The following ADORA1 variants were observed in gnomAD, a reference collection of about 807,000 sequenced individuals.
ADORA1 encodes adenosine A1 receptor, also known as adenosine receptor A1.
A neutral mutation model predicts 19.9 loss-of-function variants in ADORA1; 6 were observed. That is an observed-to-expected ratio of 0.30 (90% CI 0.17 to 0.59). ADORA1 has a LOEUF of 0.59. ADORA1 is among the 20% of genes least tolerant of loss of function. The pLI is 0.87. For missense variants in ADORA1, 302 were observed against 439.2 expected (o/e 0.69, Z 2.79); for synonymous variants, 194 against 188.4 (o/e 1.03, Z -0.24).
Position 203,137,837 on chromosome 1 carries a change from A to C in ADORA1, c.341+8655A>C, listed in dbSNP as rs138423506. On this transcript the variant is annotated intron_variant, in intron 3 of 3. Coordinates refer to ENST00000337894, the MANE Select transcript of ADORA1 (RefSeq NM_000674.3). ...CAGTACCCTCCAAAAGGCAACCTCT[A>C]TTTTGATCTTTATCCTTATAGATTG... 2.2e-3 allele frequency among the ~76,000 whole-genome samples: 341 copies of C among 152,252 alleles called. 1 individual carries two copies. The highest frequency in any genetic ancestry group is 7.9e-3 in the African/African-American group (330 of 41,542).
At chr1:203,153,372 C>G (rs1394665908) in intron 3 of ADORA1, among the ~76,000 whole-genome samples, 2 of 152,126 alleles carry the variant, frequency 1.3e-5, no homozygotes, top group African/African-American at 4.8e-5. Flanking sequence ...GGGGAGGTTG[C>G]CAGAATAGAG....
intron 3 of ADORA1, among the ~76,000 whole-genome samples, chr1:203,152,216 C>T (rs1558134490): frequency 6.6e-6 from 1 of 152,232 alleles, no homozygotes; most frequent in African/African-American, 2.4e-5. Flanking sequence ...GGGGGTCTCC[C>T]ATTTCCCACC....
At chr1:203,160,594 C>T (rs1046590945) in intron 3 of ADORA1, among the ~76,000 whole-genome samples, 2 of 152,204 alleles carry the variant, frequency 1.3e-5, no homozygotes, top group African/African-American at 2.4e-5. Flanking sequence ...AGGAGGATCA[C>T]TTGAGCCCTG....
At chr1:203,132,401 C>T (rs976698352) in intron 3 of ADORA1, among the ~76,000 whole-genome samples, 1 of 152,194 alleles carries the variant, frequency 6.6e-6, no homozygotes. Flanking sequence ...TGTCCATGGC[C>T]AGCTGGGTTG....
chr1:203,150,540 C>T (rs1654998119), intron 3 of ADORA1: 1 of 1,198,270 alleles, frequency 8.3e-7, no homozygotes, highest in Non-Finnish European at 1.1e-6. Context: ...TGGGGTCCTT[C>T]CTGCTGTTAT....
chr1:203,129,057 G>T lies in ADORA1; in HGVS notation c.216G>T (p.Gly72=). The change falls in exon 3 of 4, where the codon GGG becomes GGT. Residue 72 remains glycine (G), a synonymous_variant. Coordinates refer to ENST00000337894, the MANE Select transcript of ADORA1 (RefSeq NM_000674.3). ...CCCTCGCCATCCTCATCAACATTGG[G>T]CCACAGACCTACTTCCACACCTGCC... is the stretch of plus-strand genomic sequence containing the variant. ...VIPLAILINI[G]PQTYFHTCLM... The T allele has an allele frequency of 1.2e-6, 2 of 1,614,108 alleles. No individual in the cohort carries two copies. The highest frequency in any genetic ancestry group is 1.7e-6 in the Non-Finnish European group (2 of 1,180,012).
At chr1:203,136,472 A>G (rs1654511371) in intron 3 of ADORA1, among the ~76,000 whole-genome samples, 1 of 152,208 alleles carries the variant, frequency 6.6e-6, no homozygotes, top group Non-Finnish European at 1.5e-5. Flanking sequence ...TCTATTTTAT[A>G]AGTGTGCTTT....
rs970460008 is a variant in ADORA1, at chr1:203,167,306, A to G, written c.*1406A>G. Reference sequence around the variant, plus strand: ...GTTGACCTTCTGAACATGAGTGTCAACTCCAGGACTTGCTTCCAAGCCCTT... The same window carrying G: ...GTTGACCTTCTGAACATGAGTGTCAGCTCCAGGACTTGCTTCCAAGCCCTT... On this transcript the variant is annotated 3_prime_UTR_variant, in exon 4 of 4. Coordinates refer to ENST00000337894, the MANE Select transcript of ADORA1 (RefSeq NM_000674.3). The G allele has an allele frequency of 4.0e-5, 6 of 151,550 alleles. No homozygotes were observed. The highest frequency in any genetic ancestry group is 1.5e-4 in the African/African-American group (6 of 41,156). The allele number at this position is 151,550 out of a possible 1,614,324, so 9.4% of individuals were successfully genotyped here. A position where few individuals can be genotyped will look rare whatever the true frequency, so the allele number is the denominator to read the frequency against.
chr1:203,165,660 G>A lies in ADORA1; in HGVS notation c.741G>A (p.Trp247Ter). 6.2e-7 allele frequency: 1 copy of A among 1,608,842 alleles called. No homozygotes were observed. Among genetic ancestry groups the A allele is most frequent in the Non-Finnish European group, 8.5e-7 (1 of 1,176,228 alleles). Residue 247 changes from tryptophan (W) to a stop codon, truncating the protein, a stop_gained, in exon 4 of 4, where the codon TGG (tryptophan) becomes TGA (stop). Coordinates refer to ENST00000337894, the MANE Select transcript of ADORA1 (RefSeq NM_000674.3). LOFTEE classifies it high-confidence loss of function. This position sits in a 1 kb window ranked among gnomAD's most constrained non-coding sequence, Gnocchi z 5.9. Reference sequence around the variant, plus strand: ...TCCTCTTCCTCTTTGCCCTCAGCTGGCTGCCTTTGCACATCCTCAACTGCA... The same window carrying A: ...TCCTCTTCCTCTTTGCCCTCAGCTGACTGCCTTTGCACATCCTCAACTGCA... ...ALILFLFALS[W>*]LPLHILNCIT...
In ADORA1 at chr1:203,166,523, C is replaced by T. The variant is rs907385238; in HGVS notation, c.*623C>T. 2.6e-5 allele frequency: 4 copies of T among 152,284 alleles called. No individual in the cohort carries two copies. Among genetic ancestry groups the T allele is most frequent in the African/African-American group, 9.7e-5 (4 of 41,400 alleles). The allele number at this position is 152,284 out of a possible 1,614,324, so 9.4% of individuals were successfully genotyped here. ...GTGCTAGGGTGCCTGCTCTCCTTGC[C>T]CTGGGCCAGCCCAGGATTGTACGTG... On this transcript the variant is annotated 3_prime_UTR_variant, in exon 4 of 4. Coordinates refer to ENST00000337894, the MANE Select transcript of ADORA1 (RefSeq NM_000674.3).
rs1356861314 is a variant in ADORA1, at chr1:203,165,762, G to A, written c.843G>A (p.Ser281=). 1.2e-6 allele frequency: 2 copies of A among 1,613,770 alleles called. No homozygotes were observed. Among genetic ancestry groups the A allele is most frequent in the Non-Finnish European group, 8.5e-7 (1 of 1,179,852 alleles). The change falls in exon 4 of 4, where the codon TCG becomes TCA. Residue 281 remains serine (S), a synonymous_variant. Transcript: ENST00000337894. This position sits in a 1 kb window ranked among gnomAD's most constrained non-coding sequence, Gnocchi z 5.9. Reference sequence around the variant, plus strand: ...CCATCTTCCTCACGCACGGCAACTCGGCCATGAACCCCATTGTCTATGCCT... The same window carrying A: ...CCATCTTCCTCACGCACGGCAACTCAGCCATGAACCCCATTGTCTATGCCT... ...YIAIFLTHGN[S]AMNPIVYAFR...
At chr1:203,149,081 T>C (rs1654951252) in intron 3 of ADORA1, among the ~76,000 whole-genome samples, 1 of 152,102 alleles carries the variant, frequency 6.6e-6, no homozygotes, top group South Asian at 2.1e-4. Context: ...TTTCACCATG[T>C]TACCCAGGCT....
At chr1:203,147,237 T>C (rs965487454) in intron 3 of ADORA1, among the ~76,000 whole-genome samples, 1 of 151,922 alleles carries the variant, frequency 6.6e-6, no homozygotes, top group Non-Finnish European at 1.5e-5. Flanking sequence ...CTGCCAGGGG[T>C]GTTGTGATGG....
At chr1:203,159,506 G>T (rs959048469) in intron 3 of ADORA1, among the ~76,000 whole-genome samples, 1 of 152,250 alleles carries the variant, frequency 6.6e-6, no homozygotes, top group Non-Finnish European at 1.5e-5. Context: ...CTCTGTCCCA[G>T]ATCTTTCCCT....
intron 3 of ADORA1, among the ~76,000 whole-genome samples, chr1:203,144,182 C>T (rs1654790193): frequency 6.6e-6 from 1 of 151,962 alleles, no homozygotes; most frequent in East Asian, 1.9e-4. Flanking sequence ...CAGATGACAC[C>T]TCCCCCAGGA....
In ADORA1 at chr1:203,161,974, G is replaced by A. The variant is rs906511513; in HGVS notation, c.342-3287G>A. ...TCTGTTCTGTTGCTCTCCCATTTGT[G>A]CCTGCCTGAGCTGCACACTCCTGAG... On this transcript the variant is annotated intron_variant, in intron 3 of 3. Coordinates refer to ENST00000337894, the MANE Select transcript of ADORA1 (RefSeq NM_000674.3). Among the ~76,000 whole-genome samples the A allele has an allele frequency of 5.9e-5, 9 of 152,300 alleles. 1 individual carries two copies. The South Asian group carries it at 1.9e-3, about 32-fold the overall frequency.
intron 3 of ADORA1, among the ~76,000 whole-genome samples, chr1:203,148,554 G>T (rs1045727222): frequency 6.6e-6 from 1 of 152,162 alleles, no homozygotes; most frequent in African/African-American, 2.4e-5. Flanking sequence ...ACAGTGTTTT[G>T]TCACCCTGAG....
At chr1:203,131,990 A>G (rs1027247779) in intron 3 of ADORA1, among the ~76,000 whole-genome samples, 1 of 152,218 alleles carries the variant, frequency 6.6e-6, no homozygotes, top group Admixed American at 6.5e-5. Flanking sequence ...TCTGCTGGCT[A>G]TCACCAAGTG....
intron 3 of ADORA1, among the ~76,000 whole-genome samples, chr1:203,135,351 C>T (rs1378333219): frequency 6.6e-6 from 1 of 152,084 alleles, no homozygotes; most frequent in African/African-American, 2.4e-5. Context: ...CACATGTACC[C>T]CTTAATCTAT....
Sources: gnomAD v4.1 joint callset for allele counts (sites outside exome capture counted in the v4.1 genomes callset) on GRCh38, gnomAD v4.1.1 for gene constraint, Gnocchi (gnomAD v3.1) non-coding constraint, MANE v1.5 for transcripts, NCBI Gene and HGNC (gene_info 2026-07-23, HGNC 2026-07-21) for gene names.